The following XXYLT1 variants were observed in gnomAD, a reference collection of about 807,000 sequenced individuals.
XXYLT1 encodes the protein UDP-xylose:alpha-xyloside alpha-1,3-xylosyltransferase.
A neutral mutation model predicts 28.9 loss-of-function variants in XXYLT1; 20 were observed. The ratio of observed to expected loss-of-function variants is 0.69; its 90% CI spans 0.49 to 1.00. The LOEUF (loss-of-function observed/expected upper bound fraction) is 1.00, where lower values mean the gene tolerates loss of function less well. XXYLT1 is among the 50% of genes least tolerant of loss of function. XXYLT1 has a pLI of 0.00. For synonymous variants in XXYLT1, 257 were observed against 253.8 expected, an observed-to-expected ratio of 1.01 and a Z score of -0.12; for missense variants, 542 against 560.1, an observed-to-expected ratio of 0.97 and a Z score of 0.33.
At chr3:195,081,097 T>C (rs1715407433) in intron 3 of XXYLT1, among the ~76,000 whole-genome samples, 1 of 152,208 alleles carries the variant, frequency 6.6e-6, no homozygotes, top group Non-Finnish European at 1.5e-5. Flanking sequence ...GAGCCTGTCA[T>C]GCTGAGGTGG....
At chr3:195,259,505 C>T (rs966213412) in intron 1 of XXYLT1, 9 of 932,358 alleles carry the variant, frequency 9.7e-6, no homozygotes, top group Non-Finnish European at 1.2e-5. Flanking sequence ...GGCCTTCGGG[C>T]CCTGCCAGGC....
At chr3:195,258,927 C>T (rs1577206397) in intron 1 of XXYLT1, among the ~76,000 whole-genome samples, 1 of 152,268 alleles carries the variant, frequency 6.6e-6, no homozygotes, top group Admixed American at 6.5e-5. Context: ...CTGCACTGCC[C>T]TCCAACTGAA....
At chr3:195,247,671 C>T (rs1036500682) in intron 1 of XXYLT1, 2 of 594,280 alleles carry the variant, frequency 3.4e-6, no homozygotes, top group Admixed American at 2.4e-5. Context: ...CCCTCCGACC[C>T]CAGGGCAGGC....
chr3:195,228,415 C>T (rs1265053921), intron 1 of XXYLT1, among the ~76,000 whole-genome samples: 1 of 151,394 alleles, frequency 6.6e-6, no homozygotes, highest in Non-Finnish European at 1.5e-5. Context: ...CCAGAGCCAT[C>T]GGTGGTCGTG....
chr3:195,179,081 C>T (rs1206354121), intron 2 of XXYLT1, among the ~76,000 whole-genome samples: 3 of 152,102 alleles, frequency 2.0e-5, no homozygotes, highest in East Asian at 1.9e-4. Context: ...GTGGCTCACG[C>T]CTGTAATCCC....
Position 195,077,339 on chromosome 3 carries a change from G to C in XXYLT1, c.786-7228C>G, listed in dbSNP as rs963703946. ...AGGCAGTGCCGCAATAACATGGATG[G>C]AATGGGGAAGATGCCCCCACTGGGC... On this transcript the variant is annotated intron_variant, in intron 3 of 3. Transcript: ENST00000310380. This position sits in a 1 kb window ranked among gnomAD's most constrained non-coding sequence, Gnocchi z 4.8. Among the ~76,000 whole-genome samples the C allele has an allele frequency of 2.6e-5, 4 of 152,196 alleles. No individual in the cohort carries two copies. Among genetic ancestry groups the C allele is most frequent in the Admixed American group, 2.0e-4 (3 of 15,284 alleles).
intron 2 of XXYLT1, among the ~76,000 whole-genome samples, chr3:195,199,244 A>G (rs1722750989): frequency 6.6e-6 from 1 of 152,124 alleles, no homozygotes; most frequent in African/African-American, 2.4e-5. Flanking sequence ...GGTTCCCATC[A>G]TTACCCTGGG....
In XXYLT1 at chr3:195,213,456, G is replaced by C. The variant is rs548787334; in HGVS notation, c.652+13253C>G. On this transcript the variant is annotated intron_variant, in intron 2 of 3. Transcript: ENST00000310380. ...ATTTTGTATTTTTAGTAGAGATGGG[G>C]TTTCTCCATGTTGGTCGGGCTAGTC... is the stretch of plus-strand genomic sequence containing the variant. 5.9e-5 allele frequency among the ~76,000 whole-genome samples: 9 copies of C among 152,064 alleles called. No homozygotes were observed. The South Asian group carries it at 1.9e-3, about 32-fold the overall frequency.
Position 195,153,110 on chromosome 3 carries a change from C to G in XXYLT1, c.785+3339G>C, listed in dbSNP as rs536703713. On this transcript the variant is annotated intron_variant, in intron 3 of 3. Coordinates refer to ENST00000310380, the MANE Select transcript of XXYLT1 (RefSeq NM_152531.5). ...CTGCTCAAGAGAAAGGCGGGCTGCGCTGTCCCTGCTTCCTCTCTCCCCTTC... is the reference window on the plus strand; with the variant it reads ...CTGCTCAAGAGAAAGGCGGGCTGCGGTGTCCCTGCTTCCTCTCTCCCCTTC... 5.3e-5 allele frequency among the ~76,000 whole-genome samples: 8 copies of G among 152,322 alleles called. No homozygotes were observed. The East Asian group carries it at 1.5e-3, about 29-fold the overall frequency.
chr3:195,167,115 A>G (rs1412632628), intron 2 of XXYLT1, among the ~76,000 whole-genome samples: 2 of 152,270 alleles, frequency 1.3e-5, no homozygotes, highest in Non-Finnish European at 1.5e-5. Context: ...CGGCAGGCAC[A>G]TGGTGCCAGT....
intron 1 of XXYLT1, among the ~76,000 whole-genome samples, chr3:195,248,171 T>TA (rs11445183): frequency 0.021 from 3,157 of 152,256 alleles, 94 homozygotes; most frequent in African/African-American, 0.07. Context: ...ACCAACCACT[T>TA]AGATACTTAC....
chr3:195,263,015 G>A (rs1470157142), intron 1 of XXYLT1, among the ~76,000 whole-genome samples: 2 of 152,124 alleles, frequency 1.3e-5, no homozygotes, highest in African/African-American at 4.8e-5. Context: ...CAGGTGCAAG[G>A]TGCCTGCTGC....
chr3:195,119,906 G>A (rs977892156), intron 3 of XXYLT1, among the ~76,000 whole-genome samples: 23 of 129,340 alleles, frequency 1.8e-4, no homozygotes, highest in African/African-American at 6.5e-4. Flanking sequence ...CTGAAGCAGG[G>A]AAGGCAGGGG....
chr3:195,268,789 A>G (rs1428649266), intron 1 of XXYLT1, among the ~76,000 whole-genome samples: 2 of 152,170 alleles, frequency 1.3e-5, no homozygotes, highest in Non-Finnish European at 2.9e-5. Context: ...TGGGCCCAGT[A>G]AAGTGGGGTA....
chr3:195,113,826 G>A (rs1717905709), intron 3 of XXYLT1, among the ~76,000 whole-genome samples: 1 of 152,168 alleles, frequency 6.6e-6, no homozygotes. Context: ...TGGGCATTCT[G>A]ATAGTGCCAG....
intron 2 of XXYLT1, among the ~76,000 whole-genome samples, chr3:195,187,484 G>T (rs1275333327): frequency 6.6e-6 from 1 of 152,038 alleles, no homozygotes; most frequent in Non-Finnish European, 1.5e-5. Context: ...CAATTTATCT[G>T]TATAGTGCTA....
Position 195,257,152 on chromosome 3 carries a change from G to GC in XXYLT1, c.504+13402dup, listed in dbSNP as rs1267998166. On this transcript the variant is annotated intron_variant, in intron 1 of 3. Transcript: ENST00000310380. This position sits in a 1 kb window ranked among gnomAD's most constrained non-coding sequence, Gnocchi z 4.3. ...ACGCCATGTCCCGCAAGTCTGAGCA[G>GC]CATGTGCACAGGACATCTGACGGGC... is the stretch of plus-strand genomic sequence containing the variant. Among the ~76,000 whole-genome samples the GC allele has an allele frequency of 2.6e-5, 4 of 152,216 alleles. No homozygotes were observed. Among genetic ancestry groups the GC allele is most frequent in the Non-Finnish European group, 5.9e-5 (4 of 68,030 alleles).
chr3:195,212,179 C>T (rs1434920536), intron 2 of XXYLT1, among the ~76,000 whole-genome samples: 2 of 152,142 alleles, frequency 1.3e-5, no homozygotes, highest in Non-Finnish European at 2.9e-5. Flanking sequence ...CATGGAATGC[C>T]ACCGGGAGAG....
chr3:195,083,088 A>G (rs1407776211), intron 3 of XXYLT1, among the ~76,000 whole-genome samples: 1 of 152,206 alleles, frequency 6.6e-6, no homozygotes, highest in Non-Finnish European at 1.5e-5. Context: ...AAGACAAAAC[A>G]GGATAGAGCG....
Sources: allele counts gnomAD v4.1 joint callset (sites outside exome capture counted in the v4.1 genomes callset), GRCh38; gene constraint gnomAD v4.1.1; non-coding constraint Gnocchi (gnomAD v3.1); transcripts MANE v1.5; gene names NCBI Gene and HGNC (gene_info 2026-07-23, HGNC 2026-07-21).